Variants in KCNG2 observed in about 807,000 individuals in gnomAD.
KCNG2 encodes voltage-gated potassium channel regulatory subunit KCNG2.
In KCNG2, 7 loss-of-function variants were observed where a neutral mutation model predicts 12.3. That is an observed-to-expected ratio of 0.57 (90% CI 0.32 to 1.07). KCNG2 has a LOEUF of 1.07. Among genes scored for constraint, KCNG2 ranks in the 50% least tolerant of loss-of-function variants. KCNG2 has a pLI of 0.04. For missense variants in KCNG2, 703 were observed against 726.0 expected (o/e 0.97, Z 0.36); for synonymous variants, 414 against 351.4 (o/e 1.18, Z -1.99).
intron 1 of KCNG2, among the ~76,000 whole-genome samples, chr18:79,855,300 T>C (rs901562429): frequency 2.0e-5 from 3 of 152,138 alleles, no homozygotes; most frequent in African/African-American, 7.2e-5. Context: ...GCTGCAAACT[T>C]CTTTGCTCTG....
intron 1 of KCNG2, among the ~76,000 whole-genome samples, chr18:79,850,767 G>T (rs1254313456): frequency 1.3e-5 from 2 of 152,182 alleles, no homozygotes; most frequent in East Asian, 3.8e-4. Flanking sequence ...AAGCGTACAG[G>T]CTTCATAGTG....
chr18:79,802,563 G>T (rs28497326), intron 1 of KCNG2, among the ~76,000 whole-genome samples: 3,014 of 152,318 alleles, frequency 0.02, 108 homozygotes, highest in African/African-American at 0.068. Flanking sequence ...CACTTGGCTG[G>T]CTCCCCTGCC....
intron 1 of KCNG2, among the ~76,000 whole-genome samples, chr18:79,833,047 T>G (rs181114809): frequency 1.3e-5 from 2 of 152,218 alleles, no homozygotes; most frequent in African/African-American, 4.8e-5. Flanking sequence ...TTTTTGAAAT[T>G]TGTATAATTT....
intron 1 of KCNG2, among the ~76,000 whole-genome samples, chr18:79,840,861 C>T (rs959028756): frequency 2.6e-5 from 4 of 152,058 alleles, no homozygotes; most frequent in African/African-American, 9.7e-5. Flanking sequence ...TTTCAACAAA[C>T]AATAAGACAT....
At chr18:79,872,037 C>A (rs1429797744) in intron 3 of KCNG2, among the ~76,000 whole-genome samples, 2 of 152,176 alleles carry the variant, frequency 1.3e-5, no homozygotes, top group East Asian at 3.9e-4. Context: ...CCGCACACCC[C>A]TCAGCCCTTG....
chr18:79,854,678 A>G (rs1197655253), intron 1 of KCNG2, among the ~76,000 whole-genome samples: 1 of 151,998 alleles, frequency 6.6e-6, no homozygotes, highest in East Asian at 1.9e-4. Context: ...GGTGCCCACC[A>G]CCACGCCCGG....
At chr18:79,854,291 C>T (rs1486502451) in intron 1 of KCNG2, among the ~76,000 whole-genome samples, 6 of 152,216 alleles carry the variant, frequency 3.9e-5, no homozygotes, top group Admixed American at 3.3e-4. Flanking sequence ...GCCTGGGTGC[C>T]GTGTCCTGCC....
chr18:79,810,164 T>G (rs1368347587), intron 1 of KCNG2, among the ~76,000 whole-genome samples: 1 of 150,538 alleles, frequency 6.6e-6, no homozygotes, highest in Admixed American at 6.6e-5. Flanking sequence ...CCAGGGAAGA[T>G]GGAGGCGGTG....
At chr18:79,892,164 T>C (rs1450935605) in intron 3 of KCNG2, among the ~76,000 whole-genome samples, 2 of 152,108 alleles carry the variant, frequency 1.3e-5, no homozygotes, top group Non-Finnish European at 2.9e-5. Context: ...CTCCAACTAT[T>C]ATTATGGAAT....
chr18:79,857,073 G>GCCA (rs1979040065), intron 2 of KCNG2, among the ~76,000 whole-genome samples: 1 of 109,306 alleles, frequency 9.1e-6, no homozygotes, highest in African/African-American at 3.8e-5. Flanking sequence ...CGCCCCCACA[G>GCCA]CCGCCCCCAC....
chr18:79,873,432 C>T (rs986860767), intron 3 of KCNG2, among the ~76,000 whole-genome samples: 5 of 145,018 alleles, frequency 3.4e-5, no homozygotes, highest in Admixed American at 6.8e-5. Flanking sequence ...CCCCTCCCCC[C>T]CCCCCAGCCA....
intron 1 of KCNG2, among the ~76,000 whole-genome samples, chr18:79,829,508 C>G (rs957485814): frequency 3.3e-5 from 5 of 152,276 alleles, no homozygotes; most frequent in Admixed American, 1.3e-4. Flanking sequence ...CTTTGCCTCA[C>G]ACCAGTCCGT....
chr18:79,887,202 G>A lies in KCNG2; in HGVS notation c.625-11838G>A, dbSNP rs1003073563. On this transcript the variant is annotated intron_variant, in intron 3 of 3. Transcript: ENST00000316249. The stretch of plus-strand genomic sequence containing the variant: ...GAGGGACACAGGACAGATGGGGACA[G>A]GGACACGGGGATATAGGGTCACAGG... 4.1e-3 allele frequency among the ~76,000 whole-genome samples: 615 copies of A among 149,642 alleles called. 14 individuals are homozygous for A. The highest frequency in any genetic ancestry group is 0.015 in the African/African-American group (583 of 39,190).
At chr18:79,881,789 AAGC>A (rs1293670183) in intron 3 of KCNG2, among the ~76,000 whole-genome samples, 1 of 152,202 alleles carries the variant, frequency 6.6e-6, no homozygotes, top group African/African-American at 2.4e-5. Context: ...CGTTTTGAAA[AAGC>A]AGCAGTTGGA....
rs1979336968 is a variant in KCNG2, at chr18:79,863,960, C to T, written c.293C>T (p.Ala98Val). 1 of 1,284,292 alleles carries T rather than the reference C, an allele frequency of 7.8e-7. No homozygotes were observed. The allele number at this position is 1,284,292 out of a possible 1,614,324, so 79.6% of individuals were successfully genotyped here. ...GKLRLLRGPC[A>V]LAFRDELAYW... is the part of the protein sequence containing the mutation. ...CTGCGACTGCTGCGGGGCCCGTGCG[C>T]GCTGGCCTTCCGCGACGAGCTGGCC... Residue 98 changes from alanine (A) to valine (V), a missense_variant, in exon 3 of 4, where the codon GCG becomes GTG. By Grantham distance (64) the Ala-to-Val change is moderately conservative. Coordinates refer to ENST00000316249, the MANE Select transcript of KCNG2 (RefSeq NM_012283.2).
chr18:79,874,553 G>C (rs1051981729), intron 3 of KCNG2, among the ~76,000 whole-genome samples: 5 of 152,240 alleles, frequency 3.3e-5, no homozygotes, highest in Admixed American at 6.5e-5. Context: ...GGAGAACAAA[G>C]AGAAAAGTGC....
intron 3 of KCNG2, among the ~76,000 whole-genome samples, chr18:79,872,938 G>T (rs1228727480): frequency 4.6e-5 from 7 of 152,196 alleles, no homozygotes; most frequent in African/African-American, 1.7e-4. Flanking sequence ...GAGGGTCTGT[G>T]GGGTGGGGAC....
intron 3 of KCNG2, among the ~76,000 whole-genome samples, chr18:79,883,175 C>T (rs1980385472): frequency 6.6e-6 from 1 of 151,990 alleles, no homozygotes; most frequent in South Asian, 2.1e-4. Flanking sequence ...CGGGAGAGGC[C>T]AGGCCAGGAA....
intron 3 of KCNG2, among the ~76,000 whole-genome samples, chr18:79,865,291 T>A (rs867101647): frequency 9.4e-6 from 1 of 106,598 alleles, no homozygotes. Context: ...GAGAGGTCTG[T>A]GTGCTGAGGT....
Sources: gnomAD v4.1 joint callset for allele counts (sites outside exome capture counted in the v4.1 genomes callset) on GRCh38, gnomAD v4.1.1 for gene constraint, MANE v1.5 for transcripts, NCBI Gene and HGNC (gene_info 2026-07-23, HGNC 2026-07-21) for gene names.